Variants in KRT26 observed in about 807,000 individuals in gnomAD.
The protein encoded by KRT26 is keratin, type I cytoskeletal 26.
A neutral mutation model predicts 46.1 loss-of-function variants in KRT26; 45 were observed. The ratio of observed to expected loss-of-function variants is 0.98; its 90% CI spans 0.77 to 1.25. The LOEUF (loss-of-function observed/expected upper bound fraction) is 1.25. Ranked by LOEUF, KRT26 falls within the 50% of genes most tolerant of loss-of-function variation. The probability of loss-of-function intolerance (pLI) is 0.00; values close to 1 mark genes in which losing one functional copy is unlikely to be tolerated. For missense variants in KRT26, 582 were observed against 560.1 expected, an observed-to-expected ratio of 1.04 and a Z score of -0.39; for synonymous variants, 191 against 209.9, an observed-to-expected ratio of 0.91 and a Z score of 0.78.
At chr17:40,769,185 G>T (rs1421713994) in intron 5 of KRT26, 89 bp from the exon 6 acceptor site, 12 of 806,540 alleles carry the variant, frequency 1.5e-5, no homozygotes, top group Non-Finnish European at 1.9e-5. Flanking sequence ...TTGAGACTGT[G>T]TCTTGCTCTG....
exon 1 of KRT26, chr17:40,771,781 C>T: frequency 6.2e-7 from 1 of 1,614,144 alleles, no homozygotes; most frequent in Non-Finnish European, 8.5e-7. Flanking sequence ...TCTTCTGCTC[C>T]AGGTCTGCGT....
rs1350443739 is a variant in KRT26 at position 40,766,747 on chromosome 17, T to C, written c.1256-81A>G. On this transcript the variant is annotated intron_variant, in intron 7 of 7. Coordinates refer to ENST00000335552, the Ensembl canonical transcript of KRT26. ...CCATAATAGGTATGCTTTTTGTTTG[T>C]TTGTTTTTTTGAGAAGGAGTCTCGC... 3 of 1,033,476 alleles carry C rather than the reference T, an allele frequency of 2.9e-6. No homozygotes were observed. In the African/African-American group the frequency reaches 4.8e-5, roughly 17 times the overall value. The allele number at this position is 1,033,476 out of a possible 1,614,324, so 64.0% of individuals were successfully genotyped here.
intron 6 of KRT26, among the ~76,000 whole-genome samples, 159 bp downstream of exon 6, chr17:40,768,720 T>C (rs1421185626): frequency 6.6e-6 from 1 of 152,206 alleles, no homozygotes; most frequent in Non-Finnish European, 1.5e-5. Flanking sequence ...AATTTCTGCA[T>C]GTTTTAATTT....
At chr17:40,768,466 C>T (rs2038188883) in intron 6 of KRT26, among the ~76,000 whole-genome samples, 1 of 152,186 alleles carries the variant, frequency 6.6e-6, no homozygotes, top group Admixed American at 6.5e-5. Context: ...AACTATGGTG[C>T]CTCTCCAATT....
At chr17:40,766,484 C>T in exon 8 of KRT26, 2 of 1,505,412 alleles carry the variant, frequency 1.3e-6, no homozygotes, top group Non-Finnish European at 1.8e-6. Flanking sequence ...CTCTCTCTTT[C>T]TTTCTTTCTT....
exon 8 of KRT26, chr17:40,766,305 A>G: frequency 2.6e-6 from 1 of 379,568 alleles, no homozygotes. Flanking sequence ...AATTAGGGAC[A>G]GAGCAGGATT....
intron 4 of KRT26, 35 bp from the exon 5 acceptor site, chr17:40,769,914 C>T: frequency 6.2e-7 from 1 of 1,614,130 alleles, no homozygotes; most frequent in Non-Finnish European, 8.5e-7. Context: ...TAGTGACTGG[C>T]CTGATTGTCT....
At chr17:40,772,017 C>T in exon 1 of KRT26, 1 of 1,614,202 alleles carries the variant, frequency 6.2e-7, no homozygotes, top group Non-Finnish European at 8.5e-7. Context: ...CCAACACACA[C>T]ATTCCCAGCC....
At position 40,766,686 on chromosome 17, in the gene KRT26, AC is replaced by A. The variant is rs755222410; in HGVS notation, c.1256-21del. 6.4e-7 allele frequency: 1 copy of A among 1,570,852 alleles called. No individual in the cohort carries two copies. Among genetic ancestry groups the A allele is most frequent in the Non-Finnish European group, 8.7e-7 (1 of 1,147,728 alleles). ...TTGAGTCTAAAATAAAATAAATAAAACATTAGTGGTCATTTTTTAACAGGTT... is the reference window on the plus strand; with the variant it reads ...TTGAGTCTAAAATAAAATAAATAAAAATTAGTGGTCATTTTTTAACAGGTT... On this transcript the variant is annotated intron_variant, in intron 7 of 7. Transcript: ENST00000335552.
rs758341043 is a variant in KRT26, at chr17:40,771,672, C to G, written c.441+1G>C. 1 of 1,603,030 alleles carries G rather than the reference C, an allele frequency of 6.2e-7. No individual in the cohort carries two copies. The highest frequency in any genetic ancestry group is 8.5e-7 in the Non-Finnish European group (1 of 1,172,858). ...AAAGTATGCAAATCCCTATTTCTTA[C>G]CTGCCTTTTAAGATCTTCTATGACT... On this transcript the variant is annotated splice_donor_variant, in intron 1 of 7. Coordinates refer to ENST00000335552, the Ensembl canonical transcript of KRT26. LOFTEE classifies it high-confidence loss of function.
At chr17:40,769,157 ATTATT>A (rs960766234) in intron 5 of KRT26, 61 bp from the exon 6 acceptor site, 1 of 1,074,566 alleles carries the variant, frequency 9.3e-7, no homozygotes. Context: ...GTCATCTTAT[ATTATT>A]TTATTTATTT....
rs558009250 is a variant in KRT26, at chr17:40,769,374, C to G, written c.970-278G>C. Among the ~76,000 whole-genome samples, 3 of 152,224 alleles carry G rather than the reference C, an allele frequency of 2.0e-5. No individual in the cohort carries two copies. In the East Asian group the frequency reaches 5.8e-4, roughly 29 times the overall value. Reference sequence around the variant, plus strand: ...GTTTCACCATGTTGGCCTGGCTGGTCTTGAATTTCTGACCTCAAGTTATCC... The same window carrying G: ...GTTTCACCATGTTGGCCTGGCTGGTGTTGAATTTCTGACCTCAAGTTATCC... On this transcript the variant is annotated intron_variant, in intron 5 of 7. Transcript: ENST00000335552.
exon 3 of KRT26, chr17:40,770,253 C>T: frequency 6.2e-7 from 1 of 1,614,172 alleles, no homozygotes. Flanking sequence ...GCTTCCTTAC[C>T]TCCTCATGAC....
chr17:40,767,358 GT>G (rs991665440), intron 7 of KRT26, among the ~76,000 whole-genome samples: 1 of 152,174 alleles, frequency 6.6e-6, no homozygotes, highest in Non-Finnish European at 1.5e-5. Flanking sequence ...TAAGAAACAT[GT>G]TGTGGGATTA....
chr17:40,771,936 C>T (rs374562539), exon 1 of KRT26: 14 of 1,614,058 alleles, frequency 8.7e-6, no homozygotes, highest in African/African-American at 4.0e-5. Flanking sequence ...AACCCTCCAC[C>T]GCTATTGCAG....
At chr17:40,768,630 A>G (rs1362488563) in intron 6 of KRT26, among the ~76,000 whole-genome samples, 1 of 152,226 alleles carries the variant, frequency 6.6e-6, no homozygotes, top group African/African-American at 2.4e-5. Flanking sequence ...GAGTACTGGA[A>G]TTGTTAAATA....
chr17:40,768,498 G>A (rs963063636), intron 6 of KRT26, among the ~76,000 whole-genome samples: 1 of 152,144 alleles, frequency 6.6e-6, no homozygotes, highest in Non-Finnish European at 1.5e-5. Context: ...TATCTTCATT[G>A]CTCATCTTTA....
chr17:40,769,852 C>T lies in KRT26; in HGVS notation c.871G>A (p.Asp291Asn), dbSNP rs758549356. 59 of 1,614,030 alleles carry T rather than the reference C, an allele frequency of 3.7e-5. No individual in the cohort carries two copies. In the Middle Eastern group the frequency reaches 1.2e-3, roughly 31 times the overall value. Residue 291 changes from aspartate (D) to asparagine (N), a missense_variant, in exon 5 of 8, where the codon GAT (aspartate) becomes AAT (asparagine). Physicochemically the swap from Asp to Asn is conservative, Grantham distance 23 (BLOSUM62 1). Transcript: ENST00000335552. Reference sequence around the variant, plus strand: ...GCTGCTGTGGCTGCTCCCTCATGATCGGAAATCTGTTGTTGCAGCGTTGCA... The same window carrying T: ...GCTGCTGTGGCTGCTCCCTCATGATTGGAAATCTGTTGTTGCAGCGTTGCA...
exon 8 of KRT26, chr17:40,766,571 A>G: frequency 6.2e-7 from 1 of 1,613,426 alleles, no homozygotes; most frequent in African/African-American, 1.3e-5. Context: ...ATTTTAGAGG[A>G]CTTTTCTTCA....
Sources: allele counts gnomAD v4.1 joint callset (sites outside exome capture counted in the v4.1 genomes callset), GRCh38; gene constraint gnomAD v4.1.1; transcripts MANE v1.5; gene names NCBI Gene and HGNC (gene_info 2026-07-23, HGNC 2026-07-21).